Variants in HSD17B14 observed in about 807,000 individuals in gnomAD.
HSD17B14 encodes the protein hydroxysteroid 17-beta dehydrogenase 14, also known as L-fucose dehydrogenase.
In HSD17B14, 32 loss-of-function variants were observed where a neutral mutation model predicts 32.2. The ratio of observed to expected loss-of-function variants is 0.99; its 90% confidence interval spans 0.75 to 1.33. The LOEUF (loss-of-function observed/expected upper bound fraction) is 1.33, where lower values mean the gene tolerates loss of function less well. Ranked by LOEUF, HSD17B14 falls within the 40% of genes most tolerant of loss-of-function variation. The pLI, the probability that HSD17B14 is intolerant of heterozygous loss-of-function variation, is 0.00. For synonymous variants in HSD17B14, 140 were observed against 155.4 expected (o/e 0.90, Z 0.74); for missense variants, 370 against 366.5 (o/e 1.01, Z -0.08).
intron 3 of HSD17B14, 45 bp from the exon 4 acceptor site, chr19:48,832,777 G>T: frequency 6.8e-7 from 1 of 1,469,462 alleles, no homozygotes. Context: ...TTTGGAGACG[G>T]TGTCTCCCTC....
chr19:48,831,251 C>T (rs1216512440), intron 5 of HSD17B14, among the ~76,000 whole-genome samples: 2 of 152,186 alleles, frequency 1.3e-5, no homozygotes, highest in Non-Finnish European at 2.9e-5. Flanking sequence ...GATTCGCAGT[C>T]ATTTATCTTC....
chr19:48,834,192 G>T, intron 3 of HSD17B14, 84 bp downstream of exon 3: 3 of 1,116,310 alleles, frequency 2.7e-6, no homozygotes, highest in Admixed American at 1.8e-5. Flanking sequence ...GAAAAGTAGA[G>T]GGAAAGGCAT....
chr19:48,813,479 T>C lies in HSD17B14; in HGVS notation c.616A>G (p.Ile206Val), dbSNP rs377519686. ...ACCTGGGCCAGCATGCCCTCTCGGA[T>C]TGTGGCCCTAGGGTCTGGCATTAAG... The part of the protein sequence containing the change: ...AALMPDPRAT[I>V]REGMLAQPLG... The change falls in exon 8 of 9, where the codon ATC becomes GTC. Residue 206 changes from isoleucine to valine, a missense_variant. Transcript: ENST00000263278. 7 of 1,613,552 alleles carry C rather than the reference T, an allele frequency of 4.3e-6. No homozygotes were observed. The African/African-American group carries it at 6.7e-5, about 15-fold the overall frequency.
intron 2 of HSD17B14, among the ~76,000 whole-genome samples, chr19:48,834,658 G>A (rs1372236360): frequency 3.0e-5 from 2 of 66,270 alleles, no homozygotes; most frequent in Non-Finnish European, 5.1e-5. Flanking sequence ...TCCTGGGTCC[G>A]AGGAAGTAGG....
intron 5 of HSD17B14, among the ~76,000 whole-genome samples, chr19:48,825,683 G>A (rs1432330356): frequency 2.6e-5 from 4 of 152,124 alleles, no homozygotes; most frequent in Admixed American, 2.0e-4. Context: ...TTTCACAGGT[G>A]AGAAAACAGA....
In HSD17B14 at chr19:48,831,715, G is replaced by A. The variant is rs371080963; in HGVS notation, c.322C>T (p.Arg108Cys). 38 of 1,613,710 alleles carry A rather than the reference G, an allele frequency of 2.4e-5. No individual in the cohort carries two copies. Among genetic ancestry groups the A allele is most frequent in the South Asian group, 4.4e-5 (4 of 91,064 alleles). The change falls in exon 5 of 9, where the codon CGC (arginine) becomes TGC (cysteine). Residue 108 changes from arginine to cysteine, a missense_variant. Physicochemically the swap from Arg to Cys is radical, Grantham distance 180. Coordinates refer to ENST00000263278, the MANE Select transcript of HSD17B14 (RefSeq NM_016246.3). ...RPEETSAQGF[R>C]QLLELNLLGT... is the part of the protein sequence containing the mutation. The stretch of plus-strand genomic sequence containing the variant: ...AGTAGGTTCAGCTCCAGCAGCTGGC[G>A]GAATCCCTGGGCAGAGGTCTCCTCA...
chr19:48,831,794 C>T (rs754214474), intron 4 of HSD17B14, 35 bp from the exon 5 acceptor site: 19 of 1,265,360 alleles, frequency 1.5e-5, no homozygotes, highest in African/African-American at 7.4e-5. Context: ...GGAAAAGTGA[C>T]GGGGGCTGGA....
intron 5 of HSD17B14, among the ~76,000 whole-genome samples, chr19:48,822,939 G>A (rs941526138): frequency 1.3e-5 from 2 of 152,062 alleles, no homozygotes; most frequent in Non-Finnish European, 2.9e-5. Flanking sequence ...GATGGTGATG[G>A]AAATAACGAT....
At chr19:48,830,694 G>A (rs1026543607) in intron 5 of HSD17B14, among the ~76,000 whole-genome samples, 3 of 151,870 alleles carry the variant, frequency 2.0e-5, no homozygotes, top group Non-Finnish European at 4.4e-5. Flanking sequence ...GGTAATTTCC[G>A]TATTTTTTGT....
At chr19:48,825,922 G>A (rs909031856) in intron 5 of HSD17B14, among the ~76,000 whole-genome samples, 5 of 152,042 alleles carry the variant, frequency 3.3e-5, no homozygotes, top group Admixed American at 1.3e-4. Flanking sequence ...CTGGGTTCAC[G>A]CCATTCTCCC....
chr19:48,834,206 C>A (rs2122805544), intron 3 of HSD17B14, 70 bp downstream of exon 3: 2 of 1,290,758 alleles, frequency 1.5e-6, no homozygotes, highest in Middle Eastern at 1.9e-4. Context: ...AAGGCATATG[C>A]AAATGGCTGG....
chr19:48,825,257 A>C (rs1006277586), intron 5 of HSD17B14, among the ~76,000 whole-genome samples: 4 of 147,208 alleles, frequency 2.7e-5, no homozygotes, highest in Non-Finnish European at 4.5e-5. Flanking sequence ...AAAAAAAAAA[A>C]TTGTATGATC....
intron 5 of HSD17B14, among the ~76,000 whole-genome samples, chr19:48,824,264 T>TA (rs919674049): frequency 1.4e-4 from 19 of 136,348 alleles, no homozygotes; most frequent in South Asian, 2.3e-4. Flanking sequence ...CTACTGAAAC[T>TA]AAAAAAAAAA....
chr19:48,834,974 C>T (rs1211368211), intron 2 of HSD17B14, among the ~76,000 whole-genome samples: 3 of 12,868 alleles, frequency 2.3e-4, no homozygotes, highest in East Asian at 4.7e-3. Context: ...GGCTGGGGGC[C>T]TGGACTCCTG....
rs1399226079 is a variant in HSD17B14 at position 48,813,542 on chromosome 19, C to A, written c.553G>T (p.Gly185Ter). The A allele has an allele frequency of 6.2e-7, 1 of 1,614,070 alleles. No homozygotes were observed. The highest frequency in any genetic ancestry group is 1.7e-5 in the Admixed American group (1 of 59,994). ...YGVRVNCISP[G>*]NIWTPLWEEL... Reference sequence around the variant, plus strand: ...TCCCACAGCGGGGTCCAGATGTTTCCTGGGGAGATACTAGAGGAAGGGAGA... The same window carrying A: ...TCCCACAGCGGGGTCCAGATGTTTCATGGGGAGATACTAGAGGAAGGGAGA... Residue 185 changes from glycine (G) to a stop codon, truncating the protein, a stop_gained, in exon 8 of 9, where the codon GGA (glycine) becomes TGA (stop). Transcript: ENST00000263278. LOFTEE classifies it high-confidence loss of function.
rs576332107 is a variant in HSD17B14, at chr19:48,821,798, G to A, written c.370-6657C>T. On this transcript the variant is annotated intron_variant, in intron 5 of 8. Coordinates refer to ENST00000263278, the MANE Select transcript of HSD17B14 (RefSeq NM_016246.3). Reference sequence around the variant, plus strand: ...GATGACGGTGAAGATGCTGATGATCGTAGTGATGATGATGGTGACGGTGAT... The same window carrying A: ...GATGACGGTGAAGATGCTGATGATCATAGTGATGATGATGGTGACGGTGAT... Among the ~76,000 whole-genome samples, 176 of 150,980 alleles carry A rather than the reference G, an allele frequency of 1.2e-3. 1 individual carries two copies. Among genetic ancestry groups the A allele is most frequent in the Middle Eastern group, 6.8e-3 (2 of 292 alleles).
At chr19:48,836,226 G>GA (rs1365780340) in intron 1 of HSD17B14, 98 bp downstream of exon 1, 5 of 1,207,954 alleles carry the variant, frequency 4.1e-6, no homozygotes, top group Admixed American at 4.2e-5. Context: ...TCAGAATCCT[G>GA]GCTGCAGTAC....
intron 5 of HSD17B14, among the ~76,000 whole-genome samples, chr19:48,819,638 C>T (rs2035113378): frequency 6.6e-6 from 1 of 152,188 alleles, no homozygotes; most frequent in South Asian, 2.1e-4. Flanking sequence ...CAATGCTGCT[C>T]AGATTTCATT....
intron 5 of HSD17B14, among the ~76,000 whole-genome samples, chr19:48,823,619 A>G (rs763414825): frequency 5.9e-4 from 88 of 149,438 alleles, no homozygotes; most frequent in Non-Finnish European, 1.2e-3. Context: ...TTATACTACT[A>G]TATTTTTCTT....
Sources: allele counts gnomAD v4.1 joint callset (sites outside exome capture counted in the v4.1 genomes callset), GRCh38; gene constraint gnomAD v4.1.1; transcripts MANE v1.5; gene names NCBI Gene and HGNC (gene_info 2026-07-23, HGNC 2026-07-21).